PIP5K1B: variants seen among roughly 807,000 people sequenced by gnomAD.
PIP5K1B encodes phosphatidylinositol 4-phosphate 5-kinase type-1 beta.
Under a neutral mutation model 67.0 loss-of-function variants are expected in PIP5K1B, and 42 were observed. The ratio of observed to expected loss-of-function variants is 0.63; its 90% CI spans 0.49 to 0.81. PIP5K1B has a LOEUF of 0.81. Ranked by LOEUF, PIP5K1B falls within the 30% of genes least tolerant of loss-of-function variation. PIP5K1B has a pLI of 0.00. For missense variants in PIP5K1B, 459 were observed against 646.3 expected, an observed-to-expected ratio of 0.71 and a Z score of 3.14; for synonymous variants, 214 against 231.4, an observed-to-expected ratio of 0.92 and a Z score of 0.68.
chr9:68,973,892 A>T (rs7041221), intron 14 of PIP5K1B, among the ~76,000 whole-genome samples: 5 of 152,238 alleles, frequency 3.3e-5, no homozygotes, highest in Admixed American at 1.3e-4. Flanking sequence ...TTTTCGGGGT[A>T]GGGGAGACAG....
intron 5 of PIP5K1B, among the ~76,000 whole-genome samples, chr9:68,871,717 T>TGC (rs1823634481): frequency 6.6e-6 from 1 of 152,298 alleles, no homozygotes; most frequent in East Asian, 1.9e-4. Flanking sequence ...TTGTAACGTG[T>TGC]GCTTGCTTAA....
At chr9:68,780,237 GGCA>G (rs779659410) in intron 2 of PIP5K1B, 52 of 1,542,694 alleles carry the variant, frequency 3.4e-5, no homozygotes, top group Admixed American at 2.9e-4. Flanking sequence ...GGAGGGCGGT[GGCA>G]GCGGCGGCGG....
chr9:68,825,630 T>A (rs113189858), intron 4 of PIP5K1B, among the ~76,000 whole-genome samples: 19 of 152,350 alleles, frequency 1.2e-4, no homozygotes, highest in African/African-American at 4.1e-4. Flanking sequence ...ATTGTGTTTT[T>A]GCATTGACTG....
intron 2 of PIP5K1B, among the ~76,000 whole-genome samples, chr9:68,755,839 C>T (rs996449318): frequency 2.6e-5 from 4 of 152,202 alleles, no homozygotes; most frequent in Admixed American, 1.3e-4. Context: ...GGTTCACCCA[C>T]AGTCTTCAAA....
chr9:68,785,681 T>C (rs772299690), intron 2 of PIP5K1B, among the ~76,000 whole-genome samples: 5 of 152,228 alleles, frequency 3.3e-5, no homozygotes, highest in Non-Finnish European at 7.3e-5. Context: ...CAGGTTGAGT[T>C]ACTTGCCCAG....
chr9:68,721,989 C>T (rs1827910164), intron 1 of PIP5K1B, among the ~76,000 whole-genome samples: 1 of 152,134 alleles, frequency 6.6e-6, no homozygotes, highest in South Asian at 2.1e-4. Flanking sequence ...CCTCTCTGAG[C>T]CCACTGATCC....
chr9:68,931,305 G>A (rs1826984352), intron 12 of PIP5K1B, among the ~76,000 whole-genome samples: 1 of 152,218 alleles, frequency 6.6e-6, no homozygotes, highest in South Asian at 2.1e-4. Flanking sequence ...AAAATTAACT[G>A]TTCTAAAACT....
chr9:68,914,654 G>T (rs1326468307), intron 8 of PIP5K1B, among the ~76,000 whole-genome samples: 1 of 152,116 alleles, frequency 6.6e-6, no homozygotes, highest in Non-Finnish European at 1.5e-5. Flanking sequence ...GGTGGAGCTT[G>T]CAGTGAGCCG....
intron 12 of PIP5K1B, among the ~76,000 whole-genome samples, chr9:68,924,804 G>C (rs1233828352): frequency 1.3e-5 from 2 of 151,698 alleles, no homozygotes; most frequent in Admixed American, 1.3e-4. Flanking sequence ...TTTAATTAAT[G>C]AAAGTCAAAC....
At chr9:68,999,549 G>T (rs1338037666) in intron 15 of PIP5K1B, among the ~76,000 whole-genome samples, 1 of 152,182 alleles carries the variant, frequency 6.6e-6, no homozygotes, top group Non-Finnish European at 1.5e-5. Flanking sequence ...AATCCCTGGG[G>T]GTGGACTGAG....
chr9:68,780,090 CGGCG>C, intron 2 of PIP5K1B: 1 of 1,387,182 alleles, frequency 7.2e-7, no homozygotes, highest in Non-Finnish European at 9.4e-7. Context: ...GCGGCAGCGG[CGGCG>C]GCCCTGGACT....
intron 15 of PIP5K1B, among the ~76,000 whole-genome samples, chr9:69,007,881 A>G (rs559736002): frequency 6.6e-6 from 1 of 151,958 alleles, no homozygotes; most frequent in South Asian, 2.1e-4. Flanking sequence ...AGGAAATCAG[A>G]TGATTTGACC....
intron 12 of PIP5K1B, among the ~76,000 whole-genome samples, chr9:68,931,936 T>C (rs1233906114): frequency 6.6e-6 from 1 of 152,212 alleles, no homozygotes; most frequent in Non-Finnish European, 1.5e-5. Context: ...ATCCAAGCTC[T>C]TATCTGCTGA....
chr9:68,781,009 A>G, intron 2 of PIP5K1B: 1 of 1,613,456 alleles, frequency 6.2e-7, no homozygotes, highest in Non-Finnish European at 8.5e-7. Context: ...ATTCCACTAG[A>G]TGAACTTTCG....
intron 15 of PIP5K1B, among the ~76,000 whole-genome samples, chr9:69,002,559 T>G (rs1158501710): frequency 6.6e-6 from 1 of 152,122 alleles, no homozygotes; most frequent in African/African-American, 2.4e-5. Flanking sequence ...CAAATGATTG[T>G]GCCTTGTGAA....
At chr9:68,761,039 G>GGAGA (rs143971905) in intron 2 of PIP5K1B, among the ~76,000 whole-genome samples, 1 of 151,440 alleles carries the variant, frequency 6.6e-6, no homozygotes, top group Non-Finnish European at 1.5e-5. Context: ...GAGAATAATT[G>GGAGA]GAGAGAGAGA....
intron 3 of PIP5K1B, among the ~76,000 whole-genome samples, chr9:68,820,801 A>C (rs1170864174): frequency 6.6e-6 from 1 of 152,224 alleles, no homozygotes; most frequent in Admixed American, 6.5e-5. Context: ...AAAAATTCAG[A>C]TGAATTATAG....
At chr9:68,952,524 C>T (rs1828132839) in intron 14 of PIP5K1B, among the ~76,000 whole-genome samples, 2 of 152,148 alleles carry the variant, frequency 1.3e-5, no homozygotes, top group African/African-American at 4.8e-5. Context: ...TTTGGTGGAA[C>T]ACATTTTCCA....
At chr9:68,718,288 T>C (rs2132255203) in intron 1 of PIP5K1B, among the ~76,000 whole-genome samples, 1 of 152,320 alleles carries the variant, frequency 6.6e-6, no homozygotes, top group African/African-American at 2.4e-5. Context: ...TAAGCTTCAA[T>C]CATCAAACAT....
Sources: gnomAD v4.1 joint callset for allele counts (sites outside exome capture counted in the v4.1 genomes callset) on GRCh38, gnomAD v4.1.1 for gene constraint, MANE v1.5 for transcripts, NCBI Gene and HGNC (gene_info 2026-07-23, HGNC 2026-07-21) for gene names.